The following GRIK1 variants were observed in gnomAD, a reference collection of about 807,000 sequenced individuals.
The protein encoded by GRIK1 is glutamate receptor ionotropic, kainate 1.
In GRIK1, 69 loss-of-function variants were observed where a neutral mutation model predicts 105.7. The observed-to-expected ratio is 0.65, with a 90% CI of 0.54 to 0.80. The LOEUF (loss-of-function observed/expected upper bound fraction) is 0.80, where lower values mean the gene tolerates loss of function less well. GRIK1 is among the 30% of genes least tolerant of loss of function. The pLI, the probability that GRIK1 is intolerant of heterozygous loss-of-function variation, is 0.00. For missense variants in GRIK1, 1,109 were observed against 1,167.3 expected, an observed-to-expected ratio of 0.95 and a Z score of 0.73; for synonymous variants, 438 against 431.3, an observed-to-expected ratio of 1.02 and a Z score of -0.19.
intron 1 of GRIK1, among the ~76,000 whole-genome samples, chr21:29,881,563 G>T (rs983771104): frequency 2.0e-5 from 3 of 152,028 alleles, no homozygotes; most frequent in African/African-American, 7.2e-5. Context: ...ATAAAAATAT[G>T]GCTTATCCCT....
At chr21:29,745,440 G>A (rs2065026696) in intron 1 of GRIK1, among the ~76,000 whole-genome samples, 1 of 152,224 alleles carries the variant, frequency 6.6e-6, no homozygotes, top group South Asian at 2.1e-4. Flanking sequence ...GTTGTATTAA[G>A]CTGCTGCATT....
chr21:29,717,205 C>T (rs912383153), intron 1 of GRIK1, among the ~76,000 whole-genome samples: 41 of 152,344 alleles, frequency 2.7e-4, no homozygotes, highest in African/African-American at 9.6e-4. Flanking sequence ...TAGGGGTGGA[C>T]CCCTCATGGA....
intron 1 of GRIK1, among the ~76,000 whole-genome samples, chr21:29,849,393 A>T (rs1268701622): frequency 2.0e-5 from 3 of 152,220 alleles, no homozygotes; most frequent in Admixed American, 6.5e-5. Flanking sequence ...TCCAAGGTTG[A>T]TGATGAGATA....
intron 13 of GRIK1, among the ~76,000 whole-genome samples, chr21:29,578,449 C>A (rs1029428904): frequency 6.6e-6 from 1 of 152,156 alleles, no homozygotes. Flanking sequence ...TAAACAGATG[C>A]AAATACGGCT....
At chr21:29,546,326 C>A (rs997481636) in intron 16 of GRIK1, among the ~76,000 whole-genome samples, 1 of 152,214 alleles carries the variant, frequency 6.6e-6, no homozygotes, top group Admixed American at 6.5e-5. Flanking sequence ...CATTCCATAG[C>A]TTCACTGCCT....
intron 1 of GRIK1, among the ~76,000 whole-genome samples, chr21:29,926,821 G>C (rs1485678856): frequency 1.3e-5 from 2 of 152,050 alleles, no homozygotes; most frequent in East Asian, 3.9e-4. Flanking sequence ...ATTTATAACA[G>C]TTTTGTTGTG....
intron 4 of GRIK1, chr21:29,657,464 C>T (rs1234320539): frequency 2.6e-5 from 4 of 152,158 alleles, no homozygotes; most frequent in African/African-American, 9.7e-5. Flanking sequence ...GAATAAACAG[C>T]CAACAGGACA....
intron 1 of GRIK1, among the ~76,000 whole-genome samples, chr21:29,861,948 G>A (rs769010205): frequency 7.2e-5 from 11 of 151,962 alleles, no homozygotes; most frequent in Non-Finnish European, 1.3e-4. Context: ...TTTTAATTTT[G>A]TATTGTCTTT....
chr21:29,781,111 T>A (rs2066086622), intron 1 of GRIK1, among the ~76,000 whole-genome samples: 1 of 152,226 alleles, frequency 6.6e-6, no homozygotes, highest in East Asian at 1.9e-4. Context: ...GAGTATTCTT[T>A]AAGACATCTC....
intron 1 of GRIK1, among the ~76,000 whole-genome samples, chr21:29,827,578 T>A (rs1210874593): frequency 6.6e-6 from 1 of 152,096 alleles, no homozygotes; most frequent in Non-Finnish European, 1.5e-5. Context: ...ATGTCATAAC[T>A]GTCGTAAATG....
intron 7 of GRIK1, among the ~76,000 whole-genome samples, chr21:29,632,434 A>G (rs563681411): frequency 3.1e-4 from 47 of 152,164 alleles, no homozygotes; most frequent in Non-Finnish European, 4.7e-4. Flanking sequence ...GATAAATAAT[A>G]TGTACCAACT....
At chr21:29,798,581 C>T (rs774985057) in intron 1 of GRIK1, among the ~76,000 whole-genome samples, 1 of 152,112 alleles carries the variant, frequency 6.6e-6, no homozygotes, top group African/African-American at 2.4e-5. Context: ...GAAAGAAAAG[C>T]AAGACAACTA....
At chr21:29,915,260 A>C (rs1280085882) in intron 1 of GRIK1, among the ~76,000 whole-genome samples, 1 of 151,986 alleles carries the variant, frequency 6.6e-6, no homozygotes, top group Non-Finnish European at 1.5e-5. Flanking sequence ...ATCTGTGTCC[A>C]GTGCTCAGAG....
At chr21:29,794,234 CT>C (rs1722089993) in intron 1 of GRIK1, among the ~76,000 whole-genome samples, 1 of 152,120 alleles carries the variant, frequency 6.6e-6, no homozygotes, top group Admixed American at 6.5e-5. Flanking sequence ...AAAGCAATTT[CT>C]TTAAAAACAG....
chr21:29,817,655 A>T (rs1216896652), intron 1 of GRIK1, among the ~76,000 whole-genome samples: 1 of 152,094 alleles, frequency 6.6e-6, no homozygotes, highest in South Asian at 2.1e-4. Context: ...TTACACATTC[A>T]TAGGGGTCAT....
intron 1 of GRIK1, among the ~76,000 whole-genome samples, chr21:29,700,527 A>C (rs938222136): frequency 1.3e-5 from 2 of 152,220 alleles, no homozygotes; most frequent in African/African-American, 4.8e-5. Context: ...GGAGAGAATC[A>C]GAATGTCAAA....
Position 29,881,110 on chromosome 21 carries a change from A to G in GRIK1, c.118+58273T>C, listed in dbSNP as rs891914656. On this transcript the variant is annotated intron_variant, in intron 1 of 17. Transcript: ENST00000327783. ...CAGAATAGATCCTGGCACACTGTAA[A>G]TAATCAATACATGTTTGTAGAATGA... Among the ~76,000 whole-genome samples, 3 of 152,162 alleles carry G rather than the reference A, an allele frequency of 2.0e-5. No individual in the cohort carries two copies. In the East Asian group the frequency reaches 5.8e-4, roughly 29 times the overall value.
chr21:29,643,191 C>T (rs2062549939), intron 6 of GRIK1, among the ~76,000 whole-genome samples: 1 of 150,566 alleles, frequency 6.6e-6, no homozygotes, highest in Admixed American at 6.7e-5. Flanking sequence ...GTTTCAAGTT[C>T]TTTAAAAAAA....
intron 1 of GRIK1, among the ~76,000 whole-genome samples, chr21:29,889,857 G>T (rs997331819): frequency 4.6e-5 from 7 of 151,852 alleles, no homozygotes; most frequent in Non-Finnish European, 7.4e-5. Flanking sequence ...CCATAAAGAA[G>T]GAAGATAAAG....
Sources: gnomAD v4.1 joint callset for allele counts (sites outside exome capture counted in the v4.1 genomes callset) on GRCh38, gnomAD v4.1.1 for gene constraint, MANE v1.5 for transcripts, NCBI Gene and HGNC (gene_info 2026-07-23, HGNC 2026-07-21) for gene names.